MCTP1: variants seen among roughly 807,000 people sequenced by gnomAD.
MCTP1 encodes multiple C2 and transmembrane domain containing 1.
A neutral mutation model predicts 120.6 loss-of-function variants in MCTP1; 69 were observed. The observed-to-expected ratio is 0.57, with a 90% confidence interval of 0.47 to 0.70. The LOEUF (loss-of-function observed/expected upper bound fraction) is 0.70. Among genes scored for constraint, MCTP1 ranks in the 30% least tolerant of loss-of-function variants. The pLI, the probability that MCTP1 is intolerant of heterozygous loss-of-function variation, is 0.00. For missense variants in MCTP1, 1,203 were observed against 1,248.8 expected, an observed-to-expected ratio of 0.96 and a Z score of 0.55; for synonymous variants, 529 against 493.1, an observed-to-expected ratio of 1.07 and a Z score of -0.96.
At position 94,953,847 on chromosome 5, in the gene MCTP1, AACT is replaced by A. The variant is rs1281904356; in HGVS notation, c.839-489_839-487del. ...TATATATACATATATATATATACAC[AACT>A]ATATATATGCATATATATACAAATA... On this transcript the variant is annotated intron_variant, in intron 2 of 22. Coordinates refer to ENST00000515393, the MANE Select transcript of MCTP1 (RefSeq NM_024717.7). 1.4e-3 allele frequency among the ~76,000 whole-genome samples: 124 copies of A among 86,974 alleles called. 26 individuals are homozygous for A. Among genetic ancestry groups the A allele is most frequent in the African/African-American group, 4.8e-3 (99 of 20,648 alleles). The allele number at this position is 86,974 out of a possible 152,430, so 57.1% of individuals were successfully genotyped here. A position where few individuals can be genotyped will look rare whatever the true frequency, so the allele number is the denominator to read the frequency against.
intron 1 of MCTP1, among the ~76,000 whole-genome samples, chr5:95,120,217 G>A (rs1758126267): frequency 6.7e-6 from 1 of 148,748 alleles, no homozygotes; most frequent in Non-Finnish European, 1.5e-5. Context: ...GAAAAGTCCA[G>A]GACTCAGTAG....
intron 1 of MCTP1, among the ~76,000 whole-genome samples, chr5:95,271,001 C>T (rs952961047): frequency 6.6e-6 from 1 of 151,886 alleles, no homozygotes; most frequent in African/African-American, 2.4e-5. Flanking sequence ...GCAAGCCCTA[C>T]CACAATAGAT....
intron 19 of MCTP1, among the ~76,000 whole-genome samples, chr5:94,737,226 AGGAG>A (rs1764481575): frequency 6.8e-6 from 1 of 146,212 alleles, no homozygotes; most frequent in African/African-American, 2.5e-5. Flanking sequence ...TTTATCTCAG[AGGAG>A]GAGGGAGGGA....
chr5:94,839,861 G>A (rs990304357), intron 17 of MCTP1, among the ~76,000 whole-genome samples: 53 of 152,152 alleles, frequency 3.5e-4, no homozygotes, highest in African/African-American at 1.3e-3. Flanking sequence ...ATCACATGAT[G>A]ACATTTGCAC....
At chr5:95,199,999 A>G (rs1274171094) in intron 1 of MCTP1, among the ~76,000 whole-genome samples, 1 of 152,134 alleles carries the variant, frequency 6.6e-6, no homozygotes, top group Non-Finnish European at 1.5e-5. Flanking sequence ...CGTCTCTACT[A>G]AAAATACAAA....
chr5:94,832,372 A>G (rs924559249), intron 17 of MCTP1, among the ~76,000 whole-genome samples: 1 of 152,160 alleles, frequency 6.6e-6, no homozygotes, highest in South Asian at 2.1e-4. Context: ...CCAGGTAATC[A>G]CCGCACCTTC....
At chr5:95,201,332 A>G (rs1319362000) in intron 1 of MCTP1, among the ~76,000 whole-genome samples, 1 of 152,178 alleles carries the variant, frequency 6.6e-6, no homozygotes, top group Non-Finnish European at 1.5e-5. Flanking sequence ...TCATTGATTC[A>G]TAGGCACATT....
Position 94,717,085 on chromosome 5 carries a change from GAGAT to G in MCTP1, c.2611-2203_2611-2200del, listed in dbSNP as rs567800555. On this transcript the variant is annotated intron_variant, in intron 19 of 22. Coordinates refer to ENST00000515393, the MANE Select transcript of MCTP1 (RefSeq NM_024717.7). ...CTACCTAAAATAGACATTCACATCT[GAGAT>G]AGATAGCCAAAATCTATCTTAATAT... Among the ~76,000 whole-genome samples the G allele has an allele frequency of 2.7e-4, 41 of 152,266 alleles. No homozygotes were observed. In the South Asian group the frequency reaches 4.1e-3, roughly 15 times the overall value.
chr5:94,834,074 T>C (rs1283038983), intron 17 of MCTP1, among the ~76,000 whole-genome samples: 1 of 152,228 alleles, frequency 6.6e-6, no homozygotes, highest in African/African-American at 2.4e-5. Context: ...ATTAAAGCTG[T>C]GCAAGAATTT....
intron 1 of MCTP1, among the ~76,000 whole-genome samples, chr5:95,173,160 C>G (rs1747551954): frequency 6.6e-6 from 1 of 152,088 alleles, no homozygotes; most frequent in Non-Finnish European, 1.5e-5. Flanking sequence ...ACTAAAACAT[C>G]TACTTTGAAA....
intron 19 of MCTP1, among the ~76,000 whole-genome samples, chr5:94,749,313 C>G (rs1387445068): frequency 6.6e-6 from 1 of 152,296 alleles, no homozygotes; most frequent in East Asian, 1.9e-4. Flanking sequence ...AAGATATATG[C>G]AACCCTGTGC....
intron 7 of MCTP1, among the ~76,000 whole-genome samples, chr5:94,919,295 A>G (rs1810946960): frequency 6.6e-6 from 1 of 152,204 alleles, no homozygotes; most frequent in Non-Finnish European, 1.5e-5. Context: ...TTTAGTTTAA[A>G]AAGTTTAGTA....
chr5:94,928,039 T>TA (rs1813600210), intron 6 of MCTP1, among the ~76,000 whole-genome samples: 1 of 152,150 alleles, frequency 6.6e-6, no homozygotes, highest in African/African-American at 2.4e-5. Flanking sequence ...TGAACTTTTC[T>TA]GAAAGAAAAA....
At chr5:94,761,243 A>C (rs1033487291) in intron 19 of MCTP1, among the ~76,000 whole-genome samples, 6 of 152,194 alleles carry the variant, frequency 3.9e-5, no homozygotes, top group African/African-American at 1.4e-4. Flanking sequence ...TCTTTTATCA[A>C]AGGAGGGCAA....
At chr5:95,216,087 A>C (rs1753003846) in intron 1 of MCTP1, among the ~76,000 whole-genome samples, 1 of 152,224 alleles carries the variant, frequency 6.6e-6, no homozygotes, top group African/African-American at 2.4e-5. Flanking sequence ...ACATATTATA[A>C]ATAAATTAAC....
chr5:95,241,848 A>G (rs1439410984), intron 1 of MCTP1, among the ~76,000 whole-genome samples: 2 of 152,232 alleles, frequency 1.3e-5, no homozygotes, highest in Non-Finnish European at 2.9e-5. Flanking sequence ...GGGGAGATTT[A>G]AAGCACAATT....
intron 9 of MCTP1, 103 bp from the exon 10 acceptor site, chr5:94,909,484 G>T: frequency 9.1e-7 from 1 of 1,102,026 alleles, no homozygotes; most frequent in South Asian, 1.6e-5. Context: ...ATCTAGAAAA[G>T]CACGCTGTGT....
In MCTP1 at chr5:94,940,101, C is replaced by G. The variant is rs1817209519; in HGVS notation, c.1156G>C (p.Gly386Arg). The change falls in exon 5 of 23, where the codon GGA becomes CGA. Residue 386 changes from glycine (G) to arginine (R), a missense_variant. By Grantham distance (125) the Gly-to-Arg change is moderately radical. Coordinates refer to ENST00000515393, the MANE Select transcript of MCTP1 (RefSeq NM_024717.7). Reference protein sequence around the residue: ...LLSVILTPKEGESRDVTMLMR... With the variant: ...LLSVILTPKERESRDVTMLMR... ...GAACTTACCACATCCCTGGACTCTC[C>G]TTCTTTAGGGGTAAGGATGACTGAG... The G allele has an allele frequency of 3.1e-6, 5 of 1,603,694 alleles. No individual in the cohort carries two copies. Among genetic ancestry groups the G allele is most frequent in the Admixed American group, 1.7e-5 (1 of 59,764 alleles).
chr5:95,159,415 C>T (rs1205244329), intron 1 of MCTP1, among the ~76,000 whole-genome samples: 1 of 152,146 alleles, frequency 6.6e-6, no homozygotes, highest in Non-Finnish European at 1.5e-5. Context: ...CTACTGTGTG[C>T]CAAGTATATC....
Sources: allele counts gnomAD v4.1 joint callset (sites outside exome capture counted in the v4.1 genomes callset), GRCh38; gene constraint gnomAD v4.1.1; transcripts MANE v1.5; gene names NCBI Gene and HGNC (gene_info 2026-07-23, HGNC 2026-07-21).